The following SHISA9 variants were observed in gnomAD, a reference collection of about 807,000 sequenced individuals.
SHISA9 encodes the protein shisa family member 9.
A neutral mutation model predicts 38.0 loss-of-function variants in SHISA9; 13 were observed. That is an observed-to-expected ratio of 0.34 (90% CI 0.22 to 0.54). The LOEUF (loss-of-function observed/expected upper bound fraction) is 0.54, where lower values mean the gene tolerates loss of function less well. Ranked by LOEUF, SHISA9 falls within the 20% of genes least tolerant of loss-of-function variation. SHISA9 has a pLI of 0.91. For missense variants in SHISA9, 538 were observed against 575.8 expected (o/e 0.93, Z 0.67); for synonymous variants, 275 against 242.0 (o/e 1.14, Z -1.27).
At chr16:13,003,837 G>T (rs916639948) in intron 2 of SHISA9, among the ~76,000 whole-genome samples, 1 of 150,712 alleles carries the variant, frequency 6.6e-6, no homozygotes, top group South Asian at 2.1e-4. Context: ...CAACCTGGAC[G>T]ACAGAGCGAG....
chr16:12,978,409 A>G (rs1373458909), intron 2 of SHISA9, among the ~76,000 whole-genome samples: 1 of 152,218 alleles, frequency 6.6e-6, no homozygotes, highest in Non-Finnish European at 1.5e-5. Context: ...ATTGTAACTG[A>G]TGTCTGAATA....
chr16:13,402,372 C>T, the SHISA9 span, among the ~76,000 whole-genome samples: 2 of 152,144 alleles, frequency 1.3e-5, no homozygotes, highest in Non-Finnish European at 2.9e-5. Flanking sequence ...GTTTCAACAA[C>T]TCAGAGTTCT....
At chr16:13,464,301 T>G in the SHISA9 span, among the ~76,000 whole-genome samples, 1 of 152,182 alleles carries the variant, frequency 6.6e-6, no homozygotes, top group African/African-American at 2.4e-5. Context: ...TTGGAGGAGT[T>G]TGAGAATCAC....
At chr16:13,298,988 A>G in the SHISA9 span, among the ~76,000 whole-genome samples, 4 of 152,180 alleles carry the variant, frequency 2.6e-5, no homozygotes, top group African/African-American at 7.2e-5. Flanking sequence ...ACACTTGGTT[A>G]AACAAGCAGT....
At chr16:12,983,416 C>T (rs975391053) in intron 2 of SHISA9, among the ~76,000 whole-genome samples, 5 of 152,180 alleles carry the variant, frequency 3.3e-5, no homozygotes, top group Non-Finnish European at 7.3e-5. Context: ...GGAAAGCATT[C>T]AGCACTGCAT....
chr16:13,008,633 TCCTCCCTCCCTC>T (rs1255250360), intron 2 of SHISA9, among the ~76,000 whole-genome samples: 4 of 90,072 alleles, frequency 4.4e-5, no homozygotes, highest in East Asian at 3.8e-4. Flanking sequence ...TCTCCCTCTC[TCCTCCCTCCCTC>T]CCTCCCTCCC....
intron 2 of SHISA9, among the ~76,000 whole-genome samples, chr16:12,943,384 A>T (rs951743864): frequency 2.1e-5 from 2 of 97,128 alleles, no homozygotes; most frequent in African/African-American, 8.8e-5. Flanking sequence ...AGAGAGAGAG[A>T]GAGAGAGATC....
At chr16:13,422,985 CT>C in the SHISA9 span, among the ~76,000 whole-genome samples, 1 of 152,208 alleles carries the variant, frequency 6.6e-6, no homozygotes, top group Non-Finnish European at 1.5e-5. Context: ...AGTTACAGAA[CT>C]TGGATTCCTA....
intron 2 of SHISA9, among the ~76,000 whole-genome samples, chr16:13,055,424 C>G (rs2073299267): frequency 6.6e-6 from 1 of 152,170 alleles, no homozygotes; most frequent in Non-Finnish European, 1.5e-5. Flanking sequence ...GGAACTCATG[C>G]ATAGTAAACT....
At chr16:13,469,097 C>T in the SHISA9 span, among the ~76,000 whole-genome samples, 1 of 151,092 alleles carries the variant, frequency 6.6e-6, no homozygotes. Context: ...TAAAAATTAG[C>T]CAGGCGTGAT....
chr16:13,166,677 C>A (rs945230334), intron 2 of SHISA9, among the ~76,000 whole-genome samples: 1 of 152,140 alleles, frequency 6.6e-6, no homozygotes, highest in Non-Finnish European at 1.5e-5. Flanking sequence ...AATGCCTCCC[C>A]CAAATGCTGC....
At chr16:13,470,942 G>A in the SHISA9 span, among the ~76,000 whole-genome samples, 7 of 152,006 alleles carry the variant, frequency 4.6e-5, no homozygotes, top group Non-Finnish European at 8.8e-5. Context: ...AAGATTTCAA[G>A]AAACAGAAGT....
At chr16:13,546,669 A>G in the SHISA9 span, among the ~76,000 whole-genome samples, 1 of 152,190 alleles carries the variant, frequency 6.6e-6, no homozygotes, top group Non-Finnish European at 1.5e-5. Context: ...GCCCTACATC[A>G]GAGGTCTGCA....
intron 2 of SHISA9, among the ~76,000 whole-genome samples, chr16:13,114,902 C>CCATCCATT (rs1567216945): frequency 6.9e-6 from 1 of 144,052 alleles, no homozygotes; most frequent in Non-Finnish European, 1.5e-5. Flanking sequence ...ACATCTAACT[C>CCATCCATT]CATCCATCCA....
chr16:13,231,185 T>C (rs1361286550), intron 4 of SHISA9, among the ~76,000 whole-genome samples: 1 of 152,156 alleles, frequency 6.6e-6, no homozygotes, highest in Non-Finnish European at 1.5e-5. Flanking sequence ...AAGTCAACCA[T>C]TGCTCCCAAG....
the SHISA9 span, among the ~76,000 whole-genome samples, chr16:13,488,756 T>G: frequency 6.6e-6 from 1 of 152,170 alleles, no homozygotes; most frequent in African/African-American, 2.4e-5. Context: ...TTTATTTATT[T>G]TTAATTTTAA....
chr16:13,140,133 TCCCTTCCCTCCCCTCCCCTC>T (rs1472955527), intron 2 of SHISA9, among the ~76,000 whole-genome samples: 9 of 13,960 alleles, frequency 6.4e-4, no homozygotes, highest in East Asian at 3.6e-3. Flanking sequence ...TCCCTTCCCT[TCCCTTCCCTCCCCTCCCCTC>T]CCCTCCCCTC....
intron 2 of SHISA9, among the ~76,000 whole-genome samples, chr16:13,146,071 C>G (rs1486868135): frequency 6.6e-6 from 1 of 152,146 alleles, no homozygotes; most frequent in Non-Finnish European, 1.5e-5. Context: ...GCCTGTGGTC[C>G]CGGCTACTTG....
At chr16:13,420,097 T>G in the SHISA9 span, among the ~76,000 whole-genome samples, 1 of 151,702 alleles carries the variant, frequency 6.6e-6, no homozygotes, top group Non-Finnish European at 1.5e-5. Context: ...AATACAGAAA[T>G]TAGCCAGGTG....
Sources: gnomAD v4.1 joint callset for allele counts (sites outside exome capture counted in the v4.1 genomes callset) on GRCh38, gnomAD v4.1.1 for gene constraint, MANE v1.5 for transcripts, NCBI Gene and HGNC (gene_info 2026-07-23, HGNC 2026-07-21) for gene names.